Variants in ALK observed in about 807,000 individuals in gnomAD.
ALK encodes ALK receptor tyrosine kinase, also known as ALK tyrosine kinase receptor.
Under a neutral mutation model 163.1 loss-of-function variants are expected in ALK, and 74 were observed. The ratio of observed to expected loss-of-function variants is 0.45; its 90% CI spans 0.38 to 0.55. The LOEUF (loss-of-function observed/expected upper bound fraction) is 0.55. Ranked by LOEUF, ALK falls within the 20% of genes least tolerant of loss-of-function variation. ALK has a pLI of 0.00. For synonymous variants in ALK, 960 were observed against 843.2 expected (o/e 1.14, Z -2.40); for missense variants, 2,063 against 2,105.3 (o/e 0.98, Z 0.39).
intron 3 of ALK, among the ~76,000 whole-genome samples, chr2:29,546,097 T>G (rs905962186): frequency 2.0e-5 from 3 of 152,214 alleles, no homozygotes; most frequent in African/African-American, 7.2e-5. Flanking sequence ...TATGTACGGA[T>G]GTATATGTAT....
In ALK at chr2:29,392,781, G is replaced by A. The variant is rs144408896; in HGVS notation, c.1155-8922C>T. 3.7e-3 allele frequency among the ~76,000 whole-genome samples: 562 copies of A among 152,280 alleles called. 12 individuals are homozygous for A. The highest frequency in any genetic ancestry group is 5.1e-4 in the Non-Finnish European group (35 of 68,026). On this transcript the variant is annotated intron_variant, in intron 4 of 28. Coordinates refer to ENST00000389048, the MANE Select transcript of ALK (RefSeq NM_004304.5). Reference sequence around the variant, plus strand: ...GTAGAAATGTTCTTAACTGGACTTCGTGTGACTAATTTGCTTGCTGGATTA... The same window carrying A: ...GTAGAAATGTTCTTAACTGGACTTCATGTGACTAATTTGCTTGCTGGATTA...
At chr2:29,888,848 G>A (rs999132996) in intron 1 of ALK, among the ~76,000 whole-genome samples, 5 of 152,128 alleles carry the variant, frequency 3.3e-5, no homozygotes, top group Admixed American at 6.5e-5. Context: ...TGTTGTTACC[G>A]TAACATCCAA....
intron 3 of ALK, among the ~76,000 whole-genome samples, chr2:29,594,629 A>T (rs1293934260): frequency 1.3e-5 from 2 of 151,800 alleles, no homozygotes; most frequent in African/African-American, 2.4e-5. Flanking sequence ...GGGTTTCACC[A>T]TGTTGGTCAG....
intron 15 of ALK, among the ~76,000 whole-genome samples, chr2:29,230,941 TGAG>T (rs1403499153): frequency 1.3e-5 from 2 of 150,034 alleles, no homozygotes; most frequent in Admixed American, 6.6e-5. Context: ...AGCCCCCAGC[TGAG>T]GAGGTTTCTG....
At chr2:29,279,697 G>A (rs1053225101) in intron 9 of ALK, among the ~76,000 whole-genome samples, 4 of 152,168 alleles carry the variant, frequency 2.6e-5, no homozygotes, top group African/African-American at 7.2e-5. Flanking sequence ...TTCTGGCACC[G>A]CTTACTGTCT....
At chr2:29,716,188 AG>A (rs1390899467) in intron 2 of ALK, among the ~76,000 whole-genome samples, 1 of 152,234 alleles carries the variant, frequency 6.6e-6, no homozygotes, top group Non-Finnish European at 1.5e-5. Flanking sequence ...GTGCCACACC[AG>A]GTTTATAAAT....
intron 9 of ALK, among the ~76,000 whole-genome samples, chr2:29,293,430 T>TA (rs145584710): frequency 0.052 from 7,936 of 152,148 alleles, 283 homozygotes; most frequent in Non-Finnish European, 0.075. Context: ...TATTCAGATA[T>TA]AAAAAAGATA....
intron 3 of ALK, among the ~76,000 whole-genome samples, chr2:29,689,964 C>T (rs536321124): frequency 6.6e-6 from 1 of 152,276 alleles, no homozygotes; most frequent in East Asian, 1.9e-4. Context: ...TTCAGAGCCT[C>T]CGGGAGGTAC....
intron 3 of ALK, among the ~76,000 whole-genome samples, chr2:29,584,158 G>A (rs1347539066): frequency 6.6e-6 from 1 of 152,074 alleles, no homozygotes; most frequent in Non-Finnish European, 1.5e-5. Context: ...GCCTCTATGA[G>A]AAGGAGACCC....
intron 1 of ALK, among the ~76,000 whole-genome samples, chr2:29,897,179 G>A (rs1010955171): frequency 1.1e-4 from 16 of 152,144 alleles, no homozygotes; most frequent in African/African-American, 3.9e-4. Context: ...AATTAGCTGG[G>A]CATGTTGATA....
intron 1 of ALK, among the ~76,000 whole-genome samples, chr2:29,785,624 C>G (rs1401587730): frequency 6.6e-6 from 1 of 152,122 alleles, no homozygotes; most frequent in African/African-American, 2.4e-5. Flanking sequence ...ATGCGTAAAA[C>G]AAGAAGCAAA....
At chr2:29,465,431 T>C (rs1355839483) in intron 4 of ALK, among the ~76,000 whole-genome samples, 1 of 152,172 alleles carries the variant, frequency 6.6e-6, no homozygotes, top group African/African-American at 2.4e-5. Flanking sequence ...TGGTGGCTCA[T>C]GCTTATAATC....
intron 25 of ALK, among the ~76,000 whole-genome samples, chr2:29,208,989 G>A (rs1669389797): frequency 1.3e-5 from 2 of 152,162 alleles, no homozygotes; most frequent in South Asian, 4.1e-4. Context: ...GCTAAGTACT[G>A]ATGGGTTCTG....
At chr2:29,777,944 A>G (rs1681221398) in intron 1 of ALK, among the ~76,000 whole-genome samples, 1 of 152,138 alleles carries the variant, frequency 6.6e-6, no homozygotes, top group Admixed American at 6.5e-5. Context: ...CCATCCCAAT[A>G]CACCAGTCCA....
At chr2:29,777,342 C>T (rs886395345) in intron 1 of ALK, among the ~76,000 whole-genome samples, 4 of 152,076 alleles carry the variant, frequency 2.6e-5, no homozygotes, top group African/African-American at 4.8e-5. Context: ...ACCCAGCCTA[C>T]GAGTCACTGG....
chr2:29,370,465 C>T (rs1337349124), intron 5 of ALK, among the ~76,000 whole-genome samples: 1 of 152,182 alleles, frequency 6.6e-6, no homozygotes, highest in Non-Finnish European at 1.5e-5. Flanking sequence ...GCTGCCCGTC[C>T]CTGTAGCAAG....
chr2:29,606,819 T>A (rs1675553660), intron 3 of ALK, among the ~76,000 whole-genome samples: 1 of 152,176 alleles, frequency 6.6e-6, no homozygotes, highest in African/African-American at 2.4e-5. Context: ...CAACCCCTGA[T>A]CTTGTTCACT....
chr2:29,330,337 C>A (rs767675885), intron 5 of ALK, among the ~76,000 whole-genome samples: 7 of 152,156 alleles, frequency 4.6e-5, no homozygotes, highest in Admixed American at 1.3e-4. Context: ...GAAATCCTGC[C>A]GTCCGTCCAG....
chr2:29,193,319 C>T lies in ALK; in HGVS notation c.4768G>A (p.Gly1590Ser), dbSNP rs190639819. The change falls in exon 29 of 29, where the codon GGC becomes AGC. Residue 1590 changes from glycine to serine, a missense_variant. Coordinates refer to ENST00000389048, the MANE Select transcript of ALK (RefSeq NM_004304.5). Reference sequence around the variant, plus strand: ...GCAGTAGCGGCTTCTAAGGGCAAGCCCTGTTGCTGGTAGCCGTAATTGACA... The same window carrying T: ...GCAGTAGCGGCTTCTAAGGGCAAGCTCTGTTGCTGGTAGCCGTAATTGACA... ...GNVNYGYQQQ[G>S]LPLEAATAPG... 5 of 1,614,128 alleles carry T rather than the reference C, an allele frequency of 3.1e-6. No individual in the cohort carries two copies. In the African/African-American group the frequency reaches 4.0e-5, roughly 13 times the overall value.
Sources: gnomAD v4.1 joint callset for allele counts (sites outside exome capture counted in the v4.1 genomes callset) on GRCh38, gnomAD v4.1.1 for gene constraint, MANE v1.5 for transcripts, NCBI Gene and HGNC (gene_info 2026-07-23, HGNC 2026-07-21) for gene names.